SPOCK1: variants seen among roughly 807,000 people sequenced by gnomAD.
The protein encoded by SPOCK1 is testican-1.
In SPOCK1, 23 loss-of-function variants were observed where a neutral mutation model predicts 55.3. The observed-to-expected ratio is 0.42, with a 90% CI of 0.30 to 0.59. The LOEUF (loss-of-function observed/expected upper bound fraction) is 0.59. SPOCK1 is among the 20% of genes least tolerant of loss of function. The probability of loss-of-function intolerance (pLI) is 0.22; values close to 1 mark genes in which losing one functional copy is unlikely to be tolerated. For synonymous variants in SPOCK1, 226 were observed against 221.0 expected (o/e 1.02, Z -0.20); for missense variants, 499 against 552.5 (o/e 0.90, Z 0.97).
chr5:137,352,082 G>C (rs745588495), intron 2 of SPOCK1, among the ~76,000 whole-genome samples: 1 of 152,192 alleles, frequency 6.6e-6, no homozygotes, highest in Non-Finnish European at 1.5e-5. Context: ...GTGTGACCTG[G>C]AGCAAGTGTC....
intron 2 of SPOCK1, among the ~76,000 whole-genome samples, chr5:137,492,251 G>A (rs1306568373): frequency 1.3e-5 from 2 of 152,218 alleles, no homozygotes; most frequent in Non-Finnish European, 2.9e-5. Context: ...CAAAGTGATT[G>A]ACGGAGGAAT....
chr5:137,362,399 C>T (rs1160111681), intron 2 of SPOCK1, among the ~76,000 whole-genome samples: 1 of 150,488 alleles, frequency 6.6e-6, no homozygotes, highest in Admixed American at 6.7e-5. Context: ...GCATGATCTC[C>T]ACTCACGGCA....
intron 5 of SPOCK1, among the ~76,000 whole-genome samples, chr5:137,080,197 C>T (rs988842749): frequency 2.0e-5 from 3 of 152,166 alleles, no homozygotes. Flanking sequence ...CAACATACAT[C>T]TTACACATGA....
intron 6 of SPOCK1, among the ~76,000 whole-genome samples, chr5:136,998,927 T>C (rs1304410612): frequency 6.6e-6 from 1 of 152,250 alleles, no homozygotes; most frequent in Non-Finnish European, 1.5e-5. Context: ...GGACTTTTCC[T>C]TTCTGTTTGG....
intron 4 of SPOCK1, among the ~76,000 whole-genome samples, chr5:137,126,865 A>C (rs887118694): frequency 1.3e-5 from 2 of 152,232 alleles, no homozygotes; most frequent in African/African-American, 4.8e-5. Context: ...CTTGCAAACA[A>C]CTAAACTGGA....
rs146503135 is a variant in SPOCK1, at chr5:137,112,517, G to C, written c.392C>G (p.Ser131Trp). 3 of 1,613,788 alleles carry C rather than the reference G, an allele frequency of 1.9e-6. No individual in the cohort carries two copies. The highest frequency in any genetic ancestry group is 2.5e-6 in the Non-Finnish European group (3 of 1,180,006). The change falls in exon 5 of 11, where the codon TCG (serine) becomes TGG (tryptophan). Residue 131 changes from serine to tryptophan, a missense_variant. Ser to Trp is a radical substitution (Grantham distance 177). This residue lies in a region of SPOCK1 where 386 missense variants were observed against 400.6 expected (regional missense o/e 0.96). Transcript: ENST00000394945. The part of the protein sequence containing the change: ...NVAQKHWVGP[S>W]NLVKCKPCPV... ...ACAGGGCTTGCACTTGACCAAATTC[G>C]AAGGTCCAACCCAGTGTTTCTGGGC...
Position 137,254,077 on chromosome 5 carries a change from T to C in SPOCK1, c.232+12933A>G, listed in dbSNP as rs145473076. Among the ~76,000 whole-genome samples the C allele has an allele frequency of 5.2e-4, 79 of 152,326 alleles. 1 individual carries two copies. In the Middle Eastern group the frequency reaches 0.01, roughly 20 times the overall value. On this transcript the variant is annotated intron_variant, in intron 3 of 10. Coordinates refer to ENST00000394945, the MANE Select transcript of SPOCK1 (RefSeq NM_004598.4). The stretch of plus-strand genomic sequence containing the variant: ...ACTGGGAATTTCTCCTCCTGCCTAA[T>C]CACTGGTAGAAAGAACAACTCAGGA...
intron 3 of SPOCK1, among the ~76,000 whole-genome samples, chr5:137,222,538 C>G (rs1046754279): frequency 6.6e-6 from 1 of 152,140 alleles, no homozygotes; most frequent in Non-Finnish European, 1.5e-5. Context: ...TTTAATACAA[C>G]TATAAGAGGG....
At chr5:137,035,246 G>A (rs1359300278) in intron 6 of SPOCK1, among the ~76,000 whole-genome samples, 4 of 152,200 alleles carry the variant, frequency 2.6e-5, no homozygotes, top group Admixed American at 6.5e-5. Context: ...ACAGCCAGCC[G>A]TATCAGGACC....
intron 2 of SPOCK1, among the ~76,000 whole-genome samples, chr5:137,314,157 A>G (rs908994679): frequency 1.3e-5 from 2 of 151,908 alleles, no homozygotes; most frequent in Admixed American, 1.3e-4. Flanking sequence ...CCAGCCTGAC[A>G]GTCTCTGAGG....
rs142583100 is a variant in SPOCK1, at chr5:137,468,704, G to A, written c.186+29669C>T. Reference sequence around the variant, plus strand: ...TTTTTATTATGCTCAAAAATTGAGTGTCAGCTGAAAGTCAGCTTTGGGAAA... The same window carrying A: ...TTTTTATTATGCTCAAAAATTGAGTATCAGCTGAAAGTCAGCTTTGGGAAA... On this transcript the variant is annotated intron_variant, in intron 2 of 10. Coordinates refer to ENST00000394945, the MANE Select transcript of SPOCK1 (RefSeq NM_004598.4). Among the ~76,000 whole-genome samples the A allele has an allele frequency of 5.5e-4, 84 of 152,292 alleles. 1 individual carries two copies. The highest frequency in any genetic ancestry group is 1.9e-3 in the African/African-American group (81 of 41,564).
intron 2 of SPOCK1, among the ~76,000 whole-genome samples, chr5:137,307,485 C>T (rs564380529): frequency 2.6e-5 from 4 of 152,352 alleles, no homozygotes; most frequent in Admixed American, 1.3e-4. Flanking sequence ...TATGCTGAAG[C>T]TTCTCTTCTC....
chr5:136,990,068 C>T (rs1750917062), intron 7 of SPOCK1, among the ~76,000 whole-genome samples: 1 of 152,068 alleles, frequency 6.6e-6, no homozygotes. Flanking sequence ...CGCCACCATG[C>T]CCAGCTAATT....
chr5:137,118,557 C>A (rs1753632521), intron 4 of SPOCK1, among the ~76,000 whole-genome samples: 1 of 152,236 alleles, frequency 6.6e-6, no homozygotes, highest in Non-Finnish European at 1.5e-5. Flanking sequence ...TTTCACTTGA[C>A]CATGGCATAA....
intron 3 of SPOCK1, among the ~76,000 whole-genome samples, chr5:137,171,341 G>A (rs1402394356): frequency 1.3e-5 from 2 of 152,116 alleles, no homozygotes; most frequent in Non-Finnish European, 1.5e-5. Context: ...CTTGGGGACC[G>A]AAAGGGGATC....
intron 2 of SPOCK1, among the ~76,000 whole-genome samples, chr5:137,358,671 T>C (rs1750877840): frequency 6.6e-6 from 1 of 152,192 alleles, no homozygotes; most frequent in East Asian, 1.9e-4. Flanking sequence ...CCAACAGGTC[T>C]TCAGCAGTTT....
intron 2 of SPOCK1, among the ~76,000 whole-genome samples, chr5:137,382,865 C>T (rs2127175761): frequency 6.6e-6 from 1 of 152,266 alleles, no homozygotes; most frequent in African/African-American, 2.4e-5. Context: ...AAAAAGAAAG[C>T]CTGTGATGTG....
intron 2 of SPOCK1, among the ~76,000 whole-genome samples, chr5:137,295,521 A>T (rs779933670): frequency 6.6e-6 from 1 of 152,228 alleles, no homozygotes; most frequent in Non-Finnish European, 1.5e-5. Flanking sequence ...CATTTAAGAA[A>T]AATACAACTT....
chr5:137,092,299 TAA>T (rs553609474), intron 5 of SPOCK1, among the ~76,000 whole-genome samples: 191 of 152,324 alleles, frequency 1.3e-3, no homozygotes, highest in Admixed American at 2.7e-3. Context: ...TTGAGATGTG[TAA>T]CGAGAGGCCC....
Sources: gnomAD v4.1 joint callset for allele counts (sites outside exome capture counted in the v4.1 genomes callset) on GRCh38, gnomAD v4.1.1 for gene constraint, gnomAD v4.1.1 regional missense constraint, MANE v1.5 for transcripts, NCBI Gene and HGNC (gene_info 2026-07-23, HGNC 2026-07-21) for gene names.